Variants in RAB7A observed in about 807,000 individuals in gnomAD.
RAB7A encodes the protein ras-related protein Rab-7a.
In RAB7A, 2 loss-of-function variants were observed where a neutral mutation model predicts 24.5. That is an observed-to-expected ratio of 0.08 (90% CI 0.03 to 0.26). RAB7A has a LOEUF of 0.26. Among genes scored for constraint, RAB7A ranks in the 10% least tolerant of loss-of-function variants. The pLI is 1.00. For synonymous variants in RAB7A, 100 were observed against 95.9 expected (o/e 1.04, Z -0.25); for missense variants, 118 against 255.7 (o/e 0.46, Z 3.67).
At chr3:128,802,591 A>C (rs1392613934) in intron 3 of RAB7A, among the ~76,000 whole-genome samples, 1 of 148,344 alleles carries the variant, frequency 6.7e-6, no homozygotes, top group African/African-American at 2.6e-5. Flanking sequence ...GCTCACTGCA[A>C]CCTCCGCCTC....
chr3:128,790,146 G>A (rs920090441), intron 1 of RAB7A, among the ~76,000 whole-genome samples: 15 of 152,154 alleles, frequency 9.9e-5, no homozygotes, highest in African/African-American at 3.6e-4. Flanking sequence ...AGAACATTAA[G>A]TACAAAAATA....
At chr3:128,800,569 G>T (rs1933677171) in intron 3 of RAB7A, among the ~76,000 whole-genome samples, 1 of 152,118 alleles carries the variant, frequency 6.6e-6, no homozygotes, top group Non-Finnish European at 1.5e-5. Context: ...TAAATAAAAA[G>T]AATTCTGTGT....
intron 2 of RAB7A, among the ~76,000 whole-genome samples, chr3:128,796,241 A>G (rs1420343961): frequency 1.3e-5 from 2 of 152,054 alleles, no homozygotes; most frequent in Non-Finnish European, 2.9e-5. Flanking sequence ...CCATAATCCC[A>G]GTGCTTTGGA....
intron 3 of RAB7A, among the ~76,000 whole-genome samples, chr3:128,804,878 A>C (rs552001601): frequency 2.6e-5 from 4 of 152,232 alleles, no homozygotes; most frequent in Non-Finnish European, 4.4e-5. Flanking sequence ...TCGATGGTTC[A>C]CTAAATCTGT....
chr3:128,784,898 A>T (rs769013687), intron 1 of RAB7A, among the ~76,000 whole-genome samples: 4 of 151,770 alleles, frequency 2.6e-5, no homozygotes, highest in Non-Finnish European at 5.9e-5. Context: ...AAGATTAATA[A>T]CACAATGATT....
At position 128,813,465 on chromosome 3, in the gene RAB7A, A is replaced by G. The variant is rs199811322; in HGVS notation, c.*43A>G. 3.9e-6 allele frequency: 6 copies of G among 1,553,230 alleles called. No homozygotes were observed. In the Admixed American group the frequency reaches 1.0e-4, roughly 26 times the overall value. ...AGCACAGAGTCCTTCACAAACCAAG[A>G]ACACACGTAGGCCTTCAACACAATT... On this transcript the variant is annotated 3_prime_UTR_variant, in exon 6 of 6. Coordinates refer to ENST00000265062, the MANE Select transcript of RAB7A (RefSeq NM_004637.6).
chr3:128,773,414 G>A (rs1369626670), intron 1 of RAB7A, among the ~76,000 whole-genome samples: 4 of 151,330 alleles, frequency 2.6e-5, no homozygotes, highest in Non-Finnish European at 5.9e-5. Flanking sequence ...CACCCCGTCC[G>A]GGAGGGAGGT....
intron 1 of RAB7A, chr3:128,748,535 T>C (rs2070644034): frequency 6.6e-6 from 1 of 152,202 alleles, no homozygotes; most frequent in South Asian, 2.1e-4. Context: ...TCCTCCAGTT[T>C]CCTATACACC....
chr3:128,751,328 C>T (rs2070679085), intron 1 of RAB7A, among the ~76,000 whole-genome samples: 1 of 152,204 alleles, frequency 6.6e-6, no homozygotes, highest in African/African-American at 2.4e-5. Context: ...CCTGTGAAAG[C>T]AGCCAGGAGG....
rs576389477 is a variant in RAB7A at position 128,795,046 on chromosome 3, T to A, written c.-8-314T>A. On this transcript the variant is annotated intron_variant, in intron 1 of 5. Transcript: ENST00000265062. ...GACCTGAATGAAGCAAGGACCAAGCTGTTGAGTAAGTTGGAGCATTAGTTC... is the reference window on the plus strand; with the variant it reads ...GACCTGAATGAAGCAAGGACCAAGCAGTTGAGTAAGTTGGAGCATTAGTTC... Among the ~76,000 whole-genome samples the A allele has an allele frequency of 8.5e-5, 13 of 152,230 alleles. No homozygotes were observed. The South Asian group carries it at 2.7e-3, about 32-fold the overall frequency.
At chr3:128,731,199 A>G (rs551742461) in intron 1 of RAB7A, among the ~76,000 whole-genome samples, 36 of 152,348 alleles carry the variant, frequency 2.4e-4, no homozygotes, top group African/African-American at 8.2e-4. Context: ...GTTGGTTTCC[A>G]TTGAATAAGC....
At chr3:128,731,151 C>T (rs1208856168) in intron 1 of RAB7A, among the ~76,000 whole-genome samples, 1 of 152,190 alleles carries the variant, frequency 6.6e-6, no homozygotes, top group Non-Finnish European at 1.5e-5. Flanking sequence ...ATAGTTACAT[C>T]ATTGATTTCC....
chr3:128,776,487 G>A (rs1325828079), intron 1 of RAB7A, among the ~76,000 whole-genome samples: 1 of 152,132 alleles, frequency 6.6e-6, no homozygotes, highest in Non-Finnish European at 1.5e-5. Flanking sequence ...GTTTCACCAT[G>A]TTGCTTAGGC....
intron 1 of RAB7A, among the ~76,000 whole-genome samples, chr3:128,771,005 T>A (rs1225414566): frequency 6.6e-6 from 1 of 151,770 alleles, no homozygotes; most frequent in East Asian, 1.9e-4. Flanking sequence ...GGTCTCACTC[T>A]GTCACCCAGG....
At chr3:128,766,389 C>T (rs1181189913) in intron 1 of RAB7A, among the ~76,000 whole-genome samples, 2 of 152,104 alleles carry the variant, frequency 1.3e-5, no homozygotes, top group African/African-American at 2.4e-5. Context: ...GGGTAACCAC[C>T]GTCATGGGAA....
chr3:128,765,142 G>T lies in RAB7A; in HGVS notation c.-8-30218G>T, dbSNP rs1276716106. On this transcript the variant is annotated intron_variant, in intron 1 of 5. Transcript: ENST00000265062. The stretch of plus-strand genomic sequence containing the variant: ...GGCTGGCTACGGGCGGCCGGCCGGG[G>T]TGGGGGACGAGCGCTGGGTTCCGTC... The T allele has an allele frequency of 4.3e-6, 3 of 703,476 alleles. No individual in the cohort carries two copies. In the East Asian group the frequency reaches 8.1e-5, roughly 19 times the overall value. The allele number at this position is 703,476 out of a possible 1,614,324, so 43.6% of individuals were successfully genotyped here. A position where few individuals can be genotyped will look rare whatever the true frequency, so the allele number is the denominator to read the frequency against.
chr3:128,795,751 C>CTTTTTGTTTTTTTTTTTTT (rs1933555486), intron 2 of RAB7A, among the ~76,000 whole-genome samples: 1 of 43,032 alleles, frequency 2.3e-5, no homozygotes, highest in Non-Finnish European at 4.7e-5. Flanking sequence ...AGCAGATGTG[C>CTTTTTGTTTTTTTTTTTTT]TTTTTTTTTT....
At chr3:128,761,041 C>G (rs2070772489) in intron 1 of RAB7A, among the ~76,000 whole-genome samples, 1 of 152,054 alleles carries the variant, frequency 6.6e-6, no homozygotes, top group African/African-American at 2.4e-5. Flanking sequence ...ACAAGAGTAC[C>G]AAGAGGTCAG....
intron 1 of RAB7A, among the ~76,000 whole-genome samples, chr3:128,782,240 A>G (rs965247786): frequency 1.3e-5 from 2 of 152,192 alleles, no homozygotes; most frequent in African/African-American, 2.4e-5. Flanking sequence ...TACCTTGCAC[A>G]TGACTAGCTA....
Sources: gnomAD v4.1 joint callset for allele counts (sites outside exome capture counted in the v4.1 genomes callset) on GRCh38, gnomAD v4.1.1 for gene constraint, MANE v1.5 for transcripts, NCBI Gene and HGNC (gene_info 2026-07-23, HGNC 2026-07-21) for gene names.